Variants in TEP1 observed in about 807,000 individuals in gnomAD.
The protein encoded by TEP1 is telomerase associated protein 1, also known as telomerase protein component 1.
In TEP1, 241 loss-of-function variants were observed where a neutral mutation model predicts 306.3. The observed-to-expected ratio is 0.79, with a 90% CI of 0.71 to 0.88. The LOEUF (loss-of-function observed/expected upper bound fraction) is 0.88, where lower values mean the gene tolerates loss of function less well. Among genes scored for constraint, TEP1 ranks in the 40% least tolerant of loss-of-function variants. The pLI is 0.00. For missense variants in TEP1, 3,051 were observed against 3,276.1 expected (o/e 0.93, Z 1.68); for synonymous variants, 1,289 against 1,305.5 (o/e 0.99, Z 0.27).
chr14:20,391,176 C>T (rs991221462), intron 13 of TEP1, 80 bp from the exon 14 acceptor site: 1 of 1,449,230 alleles, frequency 6.9e-7, no homozygotes, highest in Non-Finnish European at 9.5e-7. Flanking sequence ...GGAGGCCAAA[C>T]CCTTCCATTG....
rs1879333681 is a variant in TEP1, at chr14:20,408,065, G to A, written c.375C>T (p.Ser125=). The A allele has an allele frequency of 6.2e-7, 1 of 1,614,164 alleles. No individual in the cohort carries two copies. Among genetic ancestry groups the A allele is most frequent in the Non-Finnish European group, 8.5e-7 (1 of 1,180,018 alleles). ...LSSLKSTVSA[S]PLFQSLQISH... ...ATATCTGTAGACTCTGGAACAAGGGGCTGGCAGACACAGTGCTCTTTAGAC... is the reference window on the plus strand; with the variant it reads ...ATATCTGTAGACTCTGGAACAAGGGACTGGCAGACACAGTGCTCTTTAGAC... The change falls in exon 2 of 55, where the codon AGC becomes AGT. Residue 125 remains serine, a synonymous_variant. Coordinates refer to ENST00000262715, the MANE Select transcript of TEP1 (RefSeq NM_007110.5).
chr14:20,398,387 A>C (rs1348610329), intron 9 of TEP1, among the ~76,000 whole-genome samples: 3 of 152,074 alleles, frequency 2.0e-5, no homozygotes, highest in Non-Finnish European at 4.4e-5. Context: ...AAAAAAAAAA[A>C]AAAAAGGTTT....
rs763961398 is a variant in TEP1, at chr14:20,381,702, G to A, written c.4425-16C>T. On this transcript the variant is annotated splice_polypyrimidine_tract_variant and intron_variant, in intron 30 of 54. Transcript: ENST00000262715. This position sits in a 1 kb window ranked among gnomAD's most constrained non-coding sequence, Gnocchi z 4.0. ...CCCTAGCAAACTGTCCTCGTGTGAG[G>A]AAGGGAGAGAGAAGAAGGAAGAGGC... 8 of 1,583,834 alleles carry A rather than the reference G, an allele frequency of 5.1e-6. No homozygotes were observed. The Admixed American group carries it at 1.1e-4, about 23-fold the overall frequency.
intron 1 of TEP1, among the ~76,000 whole-genome samples, chr14:20,410,324 A>G (rs2139218054): frequency 6.6e-6 from 1 of 152,220 alleles, no homozygotes; most frequent in African/African-American, 2.4e-5. Flanking sequence ...CCTCCCTGCT[A>G]GAGCCAGATG....
rs1450422843 is a variant in TEP1 at position 20,376,018 on chromosome 14, G to A, written c.6249+86C>T. ...CTAGATTTGGCAAAACAAAAAGCAG[G>A]AGGAAGCAATGGGAAATGGGTTGTT... On this transcript the variant is annotated intron_variant, in intron 42 of 54. Coordinates refer to ENST00000262715, the MANE Select transcript of TEP1 (RefSeq NM_007110.5). The A allele has an allele frequency of 3.9e-6, 6 of 1,551,992 alleles. No individual in the cohort carries two copies. The African/African-American group carries it at 5.5e-5, about 14-fold the overall frequency.
At chr14:20,379,137 G>A (rs1341542550) in intron 35 of TEP1, 32 bp from the exon 36 acceptor site, 1 of 1,610,722 alleles carries the variant, frequency 6.2e-7, no homozygotes, top group South Asian at 1.1e-5. Flanking sequence ...CGCAGCTCAG[G>A]CCATCCCCTT....
chr14:20,404,842 G>A, intron 4 of TEP1, 70 bp from the exon 5 acceptor site: 1 of 1,515,326 alleles, frequency 6.6e-7, no homozygotes, highest in Middle Eastern at 2.2e-4. Flanking sequence ...GAAATTACTT[G>A]CTGATTGAGT....
chr14:20,380,091 A>C (rs2139044377), intron 34 of TEP1, 38 bp from the exon 35 acceptor site: 1 of 1,600,120 alleles, frequency 6.2e-7, no homozygotes, highest in East Asian at 2.2e-5. Flanking sequence ...GAAATAAACG[A>C]GAGAATGCAA....
chr14:20,399,250 T>G (rs1878463607), intron 9 of TEP1, among the ~76,000 whole-genome samples: 1 of 152,220 alleles, frequency 6.6e-6, no homozygotes, highest in Admixed American at 6.5e-5. Flanking sequence ...ATATGTACTA[T>G]AAATGAACTA....
rs772453193 is a variant in TEP1 at position 20,371,488 on chromosome 14, C to T, written c.7220+1G>A. 6.2e-7 allele frequency: 1 copy of T among 1,610,012 alleles called. No homozygotes were observed. The highest frequency in any genetic ancestry group is 1.1e-5 in the South Asian group (1 of 90,066). ...GGAGGAAATGGCATTTTGGATCTTA[C>T]CAGATTTCAGATGGAGCATCCCCTG... is the stretch of plus-strand genomic sequence containing the variant. On this transcript the variant is annotated splice_donor_variant, in intron 50 of 54. Transcript: ENST00000262715. LOFTEE classifies it high-confidence loss of function.
chr14:20,391,790 C>T (rs767020794), intron 12 of TEP1, 23 bp from the exon 13 acceptor site: 1 of 1,611,214 alleles, frequency 6.2e-7, no homozygotes, highest in Non-Finnish European at 8.5e-7. Context: ...AAGACACAGA[C>T]ACAGGGGCTC....
chr14:20,388,627 C>A (rs1264415990), intron 17 of TEP1, among the ~76,000 whole-genome samples: 3 of 152,240 alleles, frequency 2.0e-5, no homozygotes, highest in African/African-American at 4.8e-5. Flanking sequence ...CAACTCTTGA[C>A]AGTGAAGTCT....
chr14:20,390,785 T>C (rs4981171), intron 14 of TEP1, 27 bp from the exon 15 acceptor site: 82,793 of 1,613,790 alleles, frequency 0.051, 2,388 homozygotes, highest in South Asian at 0.09. Context: ...TCATGTTATG[T>C]GGTTGCACAG....
intron 33 of TEP1, among the ~76,000 whole-genome samples, 164 bp from the exon 34 acceptor site, chr14:20,380,639 C>G (rs1487543974): frequency 6.6e-6 from 1 of 152,162 alleles, no homozygotes; most frequent in East Asian, 1.9e-4. Context: ...GAGCCCCACT[C>G]CAAACCTAGG....
rs940900712 is a variant in TEP1 at position 20,400,980 on chromosome 14, C to T, written c.1549+4G>A. 2.5e-6 allele frequency: 4 copies of T among 1,613,888 alleles called. No individual in the cohort carries two copies. Among genetic ancestry groups the T allele is most frequent in the Admixed American group, 1.7e-5 (1 of 59,944 alleles). ...AGGGAATGTGATGGTCAAGGTCACT[C>T]TACCAATGAGTTCCTCCCAGACCGA... On this transcript the variant is annotated splice_donor_region_variant and intron_variant, in intron 9 of 54. Transcript: ENST00000262715.
At chr14:20,375,161 A>T (rs972546365) in intron 43 of TEP1, among the ~76,000 whole-genome samples, 2 of 149,972 alleles carry the variant, frequency 1.3e-5, no homozygotes, top group African/African-American at 4.9e-5. Context: ...AATGGTAGCT[A>T]TTGTCCATAT....
intron 48 of TEP1, 57 bp from the exon 49 acceptor site, chr14:20,372,914 T>C: frequency 3.1e-6 from 5 of 1,613,414 alleles, no homozygotes; most frequent in Non-Finnish European, 4.2e-6. Context: ...TGCACCATCT[T>C]TTCCCTCCCA....
chr14:20,387,142 C>A (rs1877244933), intron 18 of TEP1, among the ~76,000 whole-genome samples: 1 of 150,982 alleles, frequency 6.6e-6, no homozygotes, highest in South Asian at 2.1e-4. Flanking sequence ...TCATGTTGGA[C>A]AGGCTAACCT....
chr14:20,382,315 C>CA lies in TEP1; in HGVS notation c.4181dup (p.Leu1395AlafsTer16), dbSNP rs1876643423. 2 of 1,613,556 alleles carry CA rather than the reference C, an allele frequency of 1.2e-6. No homozygotes were observed. Among genetic ancestry groups the CA allele is most frequent in the East Asian group, 4.5e-5 (2 of 44,866 alleles). ...GTGTGCTCAGGATGTGCTGCAGCAGCAGGGGGACAGTGGCAGGCAGGGTCC... is the reference window on the plus strand; with the variant it reads ...GTGTGCTCAGGATGTGCTGCAGCAGCAAGGGGGACAGTGGCAGGCAGGGTCC... On this transcript the variant is annotated frameshift_variant, in exon 29 of 55. Transcript: ENST00000262715. LOFTEE classifies it high-confidence loss of function.
Sources: allele counts gnomAD v4.1 joint callset (sites outside exome capture counted in the v4.1 genomes callset), GRCh38; gene constraint gnomAD v4.1.1; non-coding constraint Gnocchi (gnomAD v3.1); transcripts MANE v1.5; gene names NCBI Gene and HGNC (gene_info 2026-07-23, HGNC 2026-07-21).